SPECC1: variants seen among roughly 807,000 people sequenced by gnomAD.
The protein encoded by SPECC1 is sperm antigen with calponin homology and coiled-coil domains 1.
A neutral mutation model predicts 104.1 loss-of-function variants in SPECC1; 62 were observed. The ratio of observed to expected loss-of-function variants is 0.60; its 90% CI spans 0.49 to 0.74. SPECC1 has a LOEUF of 0.74. SPECC1 is among the 30% of genes least tolerant of loss of function. The probability of loss-of-function intolerance (pLI) is 0.00; values close to 1 mark genes in which losing one functional copy is unlikely to be tolerated. For missense variants in SPECC1, 1,306 were observed against 1,310.5 expected (o/e 1.00, Z 0.05); for synonymous variants, 513 against 501.6 (o/e 1.02, Z -0.30).
At chr17:20,098,745 C>T (rs2047775434) in intron 2 of SPECC1, among the ~76,000 whole-genome samples, 1 of 152,192 alleles carries the variant, frequency 6.6e-6, no homozygotes, top group African/African-American at 2.4e-5. Context: ...GACCTCCATC[C>T]TCCTCCTCCT....
At chr17:20,093,304 T>C (rs1346520973) in intron 1 of SPECC1, among the ~76,000 whole-genome samples, 1 of 152,182 alleles carries the variant, frequency 6.6e-6, no homozygotes, top group East Asian at 1.9e-4. Flanking sequence ...AGGCACTAAT[T>C]ACATTGATGA....
At chr17:20,237,939 A>G (rs1468755093) in intron 7 of SPECC1, 3 of 623,140 alleles carry the variant, frequency 4.8e-6, no homozygotes, top group African/African-American at 2.0e-5. Flanking sequence ...ATGCAATTTC[A>G]CCATGTTGGT....
At chr17:20,235,923 A>G (rs1267840288) in intron 7 of SPECC1, among the ~76,000 whole-genome samples, 2 of 152,190 alleles carry the variant, frequency 1.3e-5, no homozygotes, top group African/African-American at 4.8e-5. Flanking sequence ...CTCCACTGGA[A>G]TTGGCTTAAC....
intron 1 of SPECC1, among the ~76,000 whole-genome samples, chr17:20,091,685 C>G (rs1284756613): frequency 6.6e-6 from 1 of 152,186 alleles, no homozygotes; most frequent in African/African-American, 2.4e-5. Context: ...GTTCTATTTC[C>G]TGCTGAGTCC....
intron 3 of SPECC1, among the ~76,000 whole-genome samples, chr17:20,199,162 C>T (rs1409508019): frequency 3.6e-5 from 5 of 139,762 alleles, no homozygotes; most frequent in Non-Finnish European, 7.5e-5. Context: ...TTTCAGCTCA[C>T]TGCACCCTTC....
At chr17:20,195,356 T>C (rs1229702021) in intron 3 of SPECC1, among the ~76,000 whole-genome samples, 1 of 134,956 alleles carries the variant, frequency 7.4e-6, no homozygotes, top group Non-Finnish European at 1.6e-5. Flanking sequence ...TACATAACAA[T>C]TATAATTATT....
At chr17:20,251,692 T>C (rs189124974) in intron 9 of SPECC1, among the ~76,000 whole-genome samples, 78 of 152,192 alleles carry the variant, frequency 5.1e-4, no homozygotes, top group African/African-American at 1.8e-3. Flanking sequence ...TCAACATGAA[T>C]ATCAATAGAG....
intron 3 of SPECC1, among the ~76,000 whole-genome samples, chr17:20,122,721 C>T (rs1398095287): frequency 6.6e-6 from 1 of 151,778 alleles, no homozygotes; most frequent in Non-Finnish European, 1.5e-5. Context: ...ATAGGAGTGG[C>T]ATCACACAGT....
At chr17:20,213,266 T>A (rs2037274999) in intron 4 of SPECC1, among the ~76,000 whole-genome samples, 1 of 152,144 alleles carries the variant, frequency 6.6e-6, no homozygotes, top group South Asian at 2.1e-4. Flanking sequence ...CCCAATTTTT[T>A]ATTTTTATTT....
At chr17:20,156,378 A>G in intron 3 of SPECC1, 1 of 990,270 alleles carries the variant, frequency 1.0e-6, no homozygotes, top group Non-Finnish European at 1.3e-6. Context: ...TGTCGTTGGA[A>G]TGCGCCGCTT....
intron 12 of SPECC1, among the ~76,000 whole-genome samples, chr17:20,296,130 C>T (rs546389572): frequency 8.1e-4 from 124 of 152,258 alleles, no homozygotes; most frequent in African/African-American, 3.0e-3. Context: ...CCTAGGTTTT[C>T]TTCTAGGGTT....
intron 1 of SPECC1, among the ~76,000 whole-genome samples, chr17:20,042,354 T>C (rs2045364564): frequency 6.6e-6 from 1 of 151,904 alleles, no homozygotes; most frequent in South Asian, 2.1e-4. Context: ...ACTGTCACCA[T>C]GGGGGAAGAG....
chr17:20,110,409 T>G lies in SPECC1; in HGVS notation c.148-18T>G. On this transcript the variant is annotated intron_variant, in intron 2 of 14. Coordinates refer to ENST00000395527, the MANE Select transcript of SPECC1 (RefSeq NM_001243439.2). ...AAACCACCTCTTCATCCTCTCTCTT[T>G]CCTTCCAACTCTCTCAGCTCAAGAG... 6.3e-7 allele frequency: 1 copy of G among 1,599,170 alleles called. No homozygotes were observed. The highest frequency in any genetic ancestry group is 8.5e-7 in the Non-Finnish European group (1 of 1,170,788).
At chr17:20,162,246 C>T (rs1597852246) in intron 3 of SPECC1, among the ~76,000 whole-genome samples, 1 of 151,732 alleles carries the variant, frequency 6.6e-6, no homozygotes, top group Admixed American at 6.6e-5. Context: ...CCCGGGTTCA[C>T]GCCATTCTCC....
intron 1 of SPECC1, among the ~76,000 whole-genome samples, chr17:20,011,995 T>G (rs2043960579): frequency 1.3e-5 from 2 of 152,328 alleles, no homozygotes; most frequent in South Asian, 4.1e-4. Flanking sequence ...CAATTTTCTG[T>G]TTTTGTAATA....
intron 2 of SPECC1, among the ~76,000 whole-genome samples, chr17:20,107,462 CTT>C (rs201566147): frequency 8.3e-5 from 11 of 132,092 alleles, no homozygotes; most frequent in Non-Finnish European, 8.2e-5. Flanking sequence ...TTTCTTTTTT[CTT>C]TTTTTTTTTT....
chr17:20,202,293 C>T (rs1169807147), intron 3 of SPECC1, among the ~76,000 whole-genome samples: 1 of 152,046 alleles, frequency 6.6e-6, no homozygotes, highest in Non-Finnish European at 1.5e-5. Flanking sequence ...AGCAGTTCCT[C>T]TCTCCAGTAC....
At chr17:20,183,576 C>G (rs1209214171) in intron 3 of SPECC1, among the ~76,000 whole-genome samples, 1 of 152,104 alleles carries the variant, frequency 6.6e-6, no homozygotes, top group African/African-American at 2.4e-5. Context: ...TAACTCAAGT[C>G]CCTGATATAA....
chr17:20,159,043 T>C (rs2032887002), intron 3 of SPECC1, among the ~76,000 whole-genome samples: 1 of 151,786 alleles, frequency 6.6e-6, no homozygotes, highest in Non-Finnish European at 1.5e-5. Context: ...CTGCAACCTC[T>C]GCCTCCTGGG....
Sources: allele counts gnomAD v4.1 joint callset (sites outside exome capture counted in the v4.1 genomes callset), GRCh38; gene constraint gnomAD v4.1.1; transcripts MANE v1.5; gene names NCBI Gene and HGNC (gene_info 2026-07-23, HGNC 2026-07-21).